Variants in RIC8B observed in about 807,000 individuals in gnomAD.
RIC8B encodes chaperone Ric-8B.
Under a neutral mutation model 57.5 loss-of-function variants are expected in RIC8B, and 16 were observed. The observed-to-expected ratio is 0.28, with a 90% CI of 0.19 to 0.42. The LOEUF (loss-of-function observed/expected upper bound fraction) is 0.42. RIC8B is among the 10% of genes least tolerant of loss of function. The pLI is 1.00. For missense variants in RIC8B, 481 were observed against 677.0 expected, an observed-to-expected ratio of 0.71 and a Z score of 3.21; for synonymous variants, 216 against 250.8, an observed-to-expected ratio of 0.86 and a Z score of 1.31.
intron 2 of RIC8B, among the ~76,000 whole-genome samples, chr12:106,806,920 G>C (rs1039303059): frequency 6.6e-6 from 1 of 152,156 alleles, no homozygotes; most frequent in African/African-American, 2.4e-5. Context: ...CATACATTCA[G>C]CTTCCTATTT....
intron 4 of RIC8B, among the ~76,000 whole-genome samples, chr12:106,836,229 C>T (rs939544698): frequency 5.3e-5 from 8 of 152,188 alleles, no homozygotes; most frequent in African/African-American, 1.4e-4. Context: ...AATGATTGAT[C>T]GAGTGCTCCA....
rs965355106 is a variant in RIC8B, at chr12:106,886,229, G to T, written c.*214G>T. 6 of 460,758 alleles carry T rather than the reference G, an allele frequency of 1.3e-5. No individual in the cohort carries two copies. Among genetic ancestry groups the T allele is most frequent in the African/African-American group, 1.2e-4 (6 of 49,956 alleles). The allele number at this position is 460,758 out of a possible 1,614,324, so 28.5% of individuals were successfully genotyped here. ...AGAGCTGCAGTTAGACGGGGTTACG[G>T]GGGCTAAAAGCAGAAAAAAAATTCC... On this transcript the variant is annotated 3_prime_UTR_variant, in exon 10 of 10. Coordinates refer to ENST00000392837, the MANE Select transcript of RIC8B (RefSeq NM_001330145.2).
At chr12:106,788,614 C>T (rs1045085762) in intron 2 of RIC8B, among the ~76,000 whole-genome samples, 2 of 152,234 alleles carry the variant, frequency 1.3e-5, no homozygotes, top group East Asian at 1.9e-4. Flanking sequence ...AGGCTCAACA[C>T]CACATGGAAG....
chr12:106,866,521 G>A (rs1950146962), intron 8 of RIC8B, among the ~76,000 whole-genome samples: 1 of 152,022 alleles, frequency 6.6e-6, no homozygotes, highest in Admixed American at 6.6e-5. Context: ...CCACCCGCCT[G>A]TCCCCTTCTT....
chr12:106,818,573 G>A (rs1281977701), intron 3 of RIC8B, among the ~76,000 whole-genome samples: 1 of 152,138 alleles, frequency 6.6e-6, no homozygotes, highest in Non-Finnish European at 1.5e-5. Flanking sequence ...CCGTCCTCCT[G>A]AGTAGCTGGG....
intron 1 of RIC8B, among the ~76,000 whole-genome samples, chr12:106,780,600 A>G (rs1224946650): frequency 6.6e-6 from 1 of 152,212 alleles, no homozygotes. Flanking sequence ...GCAGAGAAGC[A>G]TGTTTAGTGG....
At chr12:106,805,110 A>G (rs930176444) in intron 2 of RIC8B, among the ~76,000 whole-genome samples, 1 of 152,072 alleles carries the variant, frequency 6.6e-6, no homozygotes, top group Non-Finnish European at 1.5e-5. Flanking sequence ...ATGTGTTTGG[A>G]TGTGTTTTAT....
Position 106,853,453 on chromosome 12 carries a change from C to CTTTTTTTTTTTTTT in RIC8B, c.1306+1879_1306+1892dup, listed in dbSNP as rs758876525. ...GACCTCAACAATTCTGCTTTATAGT[C>CTTTTTTTTTTTTTT]TTTTTTTTTTTTTTTTTTTTTTTTT... On this transcript the variant is annotated intron_variant, in intron 7 of 9. Transcript: ENST00000392837. Among the ~76,000 whole-genome samples the CTTTTTTTTTTTTTT allele has an allele frequency of 1.8e-3, 69 of 38,038 alleles. 15 individuals are homozygous for CTTTTTTTTTTTTTT. Among genetic ancestry groups the CTTTTTTTTTTTTTT allele is most frequent in the East Asian group, 7.2e-3 (6 of 836 alleles). 25.0% of individuals were successfully genotyped at this position (38,038 alleles called of 152,430 possible).
In RIC8B at chr12:106,816,011, C is replaced by T. The variant is rs1356371278; in HGVS notation, c.741+707C>T. On this transcript the variant is annotated intron_variant, in intron 3 of 9. Transcript: ENST00000392837. The stretch of plus-strand genomic sequence containing the variant: ...ATTTGATAGTTTACATTTGAGTACC[C>T]ACAAGAACAATATGCTAAATAGGAA... Among the ~76,000 whole-genome samples the T allele has an allele frequency of 2.6e-5, 4 of 152,112 alleles. No individual in the cohort carries two copies. In the East Asian group the frequency reaches 5.8e-4, roughly 22 times the overall value.
chr12:106,790,127 C>G (rs2044203817), intron 2 of RIC8B, among the ~76,000 whole-genome samples: 1 of 152,172 alleles, frequency 6.6e-6, no homozygotes, highest in Non-Finnish European at 1.5e-5. Context: ...ATATGAATGA[C>G]AGCTTGCTAA....
At chr12:106,795,945 G>A (rs1475682915) in intron 2 of RIC8B, among the ~76,000 whole-genome samples, 5 of 152,048 alleles carry the variant, frequency 3.3e-5, no homozygotes, top group Non-Finnish European at 7.4e-5. Flanking sequence ...AATGACTAAG[G>A]ACATAACTCA....
chr12:106,840,922 T>A (rs1254677372), intron 4 of RIC8B, among the ~76,000 whole-genome samples: 1 of 152,188 alleles, frequency 6.6e-6, no homozygotes, highest in East Asian at 1.9e-4. Flanking sequence ...TCAGAATGGC[T>A]TGTATACAGT....
intron 2 of RIC8B, among the ~76,000 whole-genome samples, chr12:106,789,839 A>G (rs976733105): frequency 2.0e-5 from 3 of 152,064 alleles, no homozygotes; most frequent in African/African-American, 7.2e-5. Context: ...TTGGTAAACT[A>G]CATTGCTATC....
chr12:106,803,543 G>T (rs2044850841), intron 2 of RIC8B, among the ~76,000 whole-genome samples: 1 of 152,098 alleles, frequency 6.6e-6, no homozygotes, highest in African/African-American at 2.4e-5. Context: ...GAAAGTTATT[G>T]CATTTTCCTG....
At chr12:106,813,757 T>G (rs1347292323) in intron 2 of RIC8B, among the ~76,000 whole-genome samples, 1 of 152,164 alleles carries the variant, frequency 6.6e-6, no homozygotes, top group Non-Finnish European at 1.5e-5. Context: ...AGTTGTTGTT[T>G]TTATAAGATG....
At chr12:106,871,339 CA>C (rs1413328998) in intron 9 of RIC8B, 5 of 152,866 alleles carry the variant, frequency 3.3e-5, no homozygotes, top group Non-Finnish European at 7.3e-5. Context: ...TGTAAGTTTG[CA>C]ATTACGCCTT....
At chr12:106,809,547 A>T (rs1348967217) in intron 2 of RIC8B, among the ~76,000 whole-genome samples, 11 of 149,874 alleles carry the variant, frequency 7.3e-5, no homozygotes, top group Admixed American at 2.0e-4. Context: ...AAAAAAAAAG[A>T]ATTGTGCAGT....
chr12:106,799,276 T>G (rs2044621888), intron 2 of RIC8B, among the ~76,000 whole-genome samples: 1 of 152,224 alleles, frequency 6.6e-6, no homozygotes, highest in Non-Finnish European at 1.5e-5. Context: ...CTTGTTAACG[T>G]TTCTTGATCT....
chr12:106,848,392 A>C (rs1949303275), intron 6 of RIC8B, among the ~76,000 whole-genome samples: 1 of 152,202 alleles, frequency 6.6e-6, no homozygotes, highest in African/African-American at 2.4e-5. Flanking sequence ...TGAGATGAGA[A>C]GCCATGGGAA....
Sources: allele counts gnomAD v4.1 joint callset (sites outside exome capture counted in the v4.1 genomes callset), GRCh38; gene constraint gnomAD v4.1.1; transcripts MANE v1.5; gene names NCBI Gene and HGNC (gene_info 2026-07-23, HGNC 2026-07-21).